The following SPHKAP variants were observed in gnomAD, a reference collection of about 807,000 sequenced individuals.
SPHKAP encodes the protein SPHK1 interactor, AKAP domain containing, also known as A-kinase anchor protein SPHKAP.
In SPHKAP, 67 loss-of-function variants were observed where a neutral mutation model predicts 137.5. The observed-to-expected ratio is 0.49, with a 90% CI of 0.40 to 0.60. SPHKAP has a LOEUF of 0.60. Among genes scored for constraint, SPHKAP ranks in the 20% least tolerant of loss-of-function variants. SPHKAP has a pLI of 0.00. For synonymous variants in SPHKAP, 813 were observed against 785.3 expected (o/e 1.04, Z -0.59); for missense variants, 2,097 against 2,069.3 (o/e 1.01, Z -0.26).
At chr2:228,168,186 C>T (rs1411747029) in intron 1 of SPHKAP, among the ~76,000 whole-genome samples, 1 of 148,456 alleles carries the variant, frequency 6.7e-6, no homozygotes, top group Non-Finnish European at 1.5e-5. Flanking sequence ...TATGAATAGA[C>T]CATAATTTTA....
At chr2:227,995,104 A>G (rs1056388097) in intron 8 of SPHKAP, among the ~76,000 whole-genome samples, 2 of 152,230 alleles carry the variant, frequency 1.3e-5, no homozygotes, top group Non-Finnish European at 2.9e-5. Flanking sequence ...AGGCCAAACA[A>G]TACAACACAG....
At chr2:228,152,522 AT>A (rs569853506) in intron 1 of SPHKAP, among the ~76,000 whole-genome samples, 2 of 151,730 alleles carry the variant, frequency 1.3e-5, no homozygotes, top group Admixed American at 1.3e-4. Context: ...ATTTTGTTTA[AT>A]TTTTTTAAAA....
intron 1 of SPHKAP, among the ~76,000 whole-genome samples, chr2:228,134,794 C>T (rs921920038): frequency 5.3e-5 from 8 of 152,158 alleles, no homozygotes; most frequent in Non-Finnish European, 8.8e-5. Context: ...ACTGTGTCCT[C>T]CAGGCAGCTC....
chr2:228,026,820 A>T (rs1010088490), intron 4 of SPHKAP, among the ~76,000 whole-genome samples: 10 of 152,224 alleles, frequency 6.6e-5, no homozygotes, highest in African/African-American at 2.2e-4. Context: ...TCAGTAACCG[A>T]GTAATTGCAG....
chr2:228,003,715 T>C (rs1694002927), intron 7 of SPHKAP, among the ~76,000 whole-genome samples: 2 of 152,198 alleles, frequency 1.3e-5, no homozygotes, highest in African/African-American at 4.8e-5. Context: ...TAAATAGCCC[T>C]TATTATTTTT....
intron 1 of SPHKAP, among the ~76,000 whole-genome samples, chr2:228,146,247 CA>C (rs1237796545): frequency 6.6e-6 from 1 of 152,100 alleles, no homozygotes; most frequent in East Asian, 1.9e-4. Flanking sequence ...GATGAACACC[CA>C]TTGACACATC....
At chr2:228,075,993 G>A (rs1559160010) in intron 3 of SPHKAP, among the ~76,000 whole-genome samples, 1 of 152,156 alleles carries the variant, frequency 6.6e-6, no homozygotes, top group Admixed American at 6.5e-5. Flanking sequence ...AACACAGTGG[G>A]AGGTGATTGA....
chr2:228,162,360 T>A lies in SPHKAP; in HGVS notation c.32+19207A>T, dbSNP rs973964460. 3.3e-5 allele frequency among the ~76,000 whole-genome samples: 5 copies of A among 152,218 alleles called. No individual in the cohort carries two copies. In the East Asian group the frequency reaches 5.8e-4, roughly 18 times the overall value. ...GGTATCAATTCTGATATAAGTAATA[T>A]CTTGTGGAAATGTCTCTTATATTTG... On this transcript the variant is annotated intron_variant, in intron 1 of 11. Transcript: ENST00000392056.
chr2:228,055,159 A>AAAAAAAAAAAT (rs1696394892), intron 3 of SPHKAP, among the ~76,000 whole-genome samples: 1 of 148,124 alleles, frequency 6.8e-6, no homozygotes, highest in Non-Finnish European at 1.5e-5. Flanking sequence ...AAAAAAAAAA[A>AAAAAAAAAAAT]GTGGTTTGAA....
intron 7 of SPHKAP, among the ~76,000 whole-genome samples, chr2:228,007,259 T>G (rs4507100): frequency 1.3e-5 from 2 of 152,184 alleles, no homozygotes; most frequent in Non-Finnish European, 2.9e-5. Flanking sequence ...GTATATACTG[T>G]GGAATGATTA....
chr2:228,001,234 T>C (rs975148662), intron 7 of SPHKAP, among the ~76,000 whole-genome samples: 1 of 127,260 alleles, frequency 7.9e-6, no homozygotes, highest in African/African-American at 3.0e-5. Flanking sequence ...TATAAACATA[T>C]ATATATATAT....
At chr2:228,155,919 T>C (rs1700095691) in intron 1 of SPHKAP, among the ~76,000 whole-genome samples, 1 of 152,160 alleles carries the variant, frequency 6.6e-6, no homozygotes, top group Non-Finnish European at 1.5e-5. Context: ...ATTTAGGAGC[T>C]GGTGTTTGTT....
chr2:228,152,548 C>T (rs1430194005), intron 1 of SPHKAP, among the ~76,000 whole-genome samples: 3 of 151,910 alleles, frequency 2.0e-5, no homozygotes, highest in South Asian at 2.1e-4. Flanking sequence ...GGTTGATAAT[C>T]GTTGTATTTT....
chr2:228,007,222 G>T (rs1448543364), intron 7 of SPHKAP, among the ~76,000 whole-genome samples: 2 of 152,070 alleles, frequency 1.3e-5, no homozygotes, highest in East Asian at 3.9e-4. Context: ...ATCCATTTAT[G>T]GGGTACGATA....
chr2:228,036,012 A>T (rs1174480646), intron 3 of SPHKAP, among the ~76,000 whole-genome samples: 1 of 150,534 alleles, frequency 6.6e-6, no homozygotes, highest in Non-Finnish European at 1.5e-5. Context: ...CAATGGCAAC[A>T]AAAGCCAAAA....
Position 228,006,759 on chromosome 2 carries a change from G to T in SPHKAP, c.4448+9647C>A, listed in dbSNP as rs530588245. On this transcript the variant is annotated intron_variant, in intron 7 of 11. Coordinates refer to ENST00000392056, the MANE Select transcript of SPHKAP (RefSeq NM_001142644.2). ...CTGTTTGTTAGTTTTCCTTTTAACA[G>T]TCAGGACCCTCAGCTGCAGGTCTGT... Among the ~76,000 whole-genome samples, 18 of 152,310 alleles carry T rather than the reference G, an allele frequency of 1.2e-4. No individual in the cohort carries two copies. In the South Asian group the frequency reaches 3.5e-3, roughly 30 times the overall value.
At chr2:227,994,515 G>C (rs547057390) in intron 8 of SPHKAP, among the ~76,000 whole-genome samples, 1 of 151,318 alleles carries the variant, frequency 6.6e-6, no homozygotes, top group Non-Finnish European at 1.5e-5. Flanking sequence ...CGTGTAGTGG[G>C]ACGGCTTTCT....
chr2:228,016,802 A>AATC lies in SPHKAP; in HGVS notation c.4049_4051dup (p.Arg1350_Leu1351insTer). On this transcript the variant is annotated stop_gained, in exon 7 of 12. Transcript: ENST00000392056. LOFTEE classifies it high-confidence loss of function. ...CCCACTGCACATCCTGCTCGCAGCT[A>AATC]ATCTATTTGCACACTTCTCTGCTTG... The AATC allele has an allele frequency of 2.5e-6, 4 of 1,613,946 alleles. No homozygotes were observed. The highest frequency in any genetic ancestry group is 3.4e-6 in the Non-Finnish European group (4 of 1,179,964).
chr2:228,148,034 C>G (rs867134506), intron 1 of SPHKAP, among the ~76,000 whole-genome samples: 48 of 152,298 alleles, frequency 3.2e-4, no homozygotes, highest in African/African-American at 1.0e-3. Context: ...CCTGGATGCC[C>G]TGTTGTCCTC....
Sources: gnomAD v4.1 joint callset for allele counts (sites outside exome capture counted in the v4.1 genomes callset) on GRCh38, gnomAD v4.1.1 for gene constraint, MANE v1.5 for transcripts, NCBI Gene and HGNC (gene_info 2026-07-23, HGNC 2026-07-21) for gene names.